NRG1: variants seen among roughly 807,000 people sequenced by gnomAD.
The protein encoded by NRG1 is pro-neuregulin-1, membrane-bound isoform.
Under a neutral mutation model 63.8 loss-of-function variants are expected in NRG1, and 18 were observed. That is an observed-to-expected ratio of 0.28 (90% confidence interval 0.19 to 0.42). The LOEUF is 0.42. Ranked by LOEUF, NRG1 falls within the 10% of genes least tolerant of loss-of-function variation. The pLI is 1.00. For synonymous variants in NRG1, 302 were observed against 301.3 expected (o/e 1.00, Z -0.02); for missense variants, 762 against 814.7 (o/e 0.94, Z 0.79).
intron 1 of NRG1, among the ~76,000 whole-genome samples, chr8:32,161,801 G>A (rs762051193): frequency 5.3e-5 from 8 of 152,142 alleles, no homozygotes; most frequent in Admixed American, 1.3e-4. Context: ...TCAAGGTCAC[G>A]CTGACGTTGT....
At chr8:32,487,692 A>G (rs1412273448) in intron 1 of NRG1, among the ~76,000 whole-genome samples, 7 of 152,130 alleles carry the variant, frequency 4.6e-5, no homozygotes, top group Non-Finnish European at 1.0e-4. Flanking sequence ...GTGCCACTGA[A>G]CTCTGAAAAT....
At chr8:32,412,524 T>C (rs1815251350) in intron 1 of NRG1, among the ~76,000 whole-genome samples, 1 of 146,192 alleles carries the variant, frequency 6.8e-6, no homozygotes, top group Non-Finnish European at 1.5e-5. Flanking sequence ...CCCTGACTAA[T>C]ATACAGTTAT....
intron 1 of NRG1, among the ~76,000 whole-genome samples, chr8:31,997,095 T>G (rs1472482164): frequency 1.3e-5 from 2 of 151,904 alleles, no homozygotes; most frequent in East Asian, 3.9e-4. Context: ...TGGTAAATAT[T>G]GATTTAATTT....
chr8:31,695,736 A>ATTT (rs1178108977), intron 1 of NRG1, among the ~76,000 whole-genome samples: 5 of 152,230 alleles, frequency 3.3e-5, no homozygotes, highest in Admixed American at 1.3e-4. Context: ...AAGTTCAACT[A>ATTT]TTTTATCTTC....
chr8:32,307,402 C>T (rs1856309870), intron 1 of NRG1, among the ~76,000 whole-genome samples: 2 of 152,116 alleles, frequency 1.3e-5, no homozygotes, highest in South Asian at 4.1e-4. Flanking sequence ...AAACAAGCAG[C>T]CACACCTCTC....
chr8:31,823,419 C>T (rs991462735), intron 1 of NRG1, among the ~76,000 whole-genome samples: 2 of 152,016 alleles, frequency 1.3e-5, no homozygotes, highest in African/African-American at 4.8e-5. Context: ...ATAGTTCACA[C>T]AATTCAGGCT....
chr8:32,489,410 C>G (rs1367596210), intron 1 of NRG1, among the ~76,000 whole-genome samples: 1 of 152,132 alleles, frequency 6.6e-6, no homozygotes, highest in Non-Finnish European at 1.5e-5. Context: ...AAAAGACTGC[C>G]TTTCCCTGGA....
chr8:31,715,230 A>G (rs1214038092), intron 1 of NRG1, among the ~76,000 whole-genome samples: 3 of 152,200 alleles, frequency 2.0e-5, no homozygotes, highest in Non-Finnish European at 4.4e-5. Flanking sequence ...CCTATAAAAT[A>G]TGTAATATTA....
At chr8:31,864,178 C>A (rs1454347384) in intron 1 of NRG1, among the ~76,000 whole-genome samples, 1 of 152,098 alleles carries the variant, frequency 6.6e-6, no homozygotes, top group Non-Finnish European at 1.5e-5. Context: ...TTTATTAATT[C>A]ATGAATTCAT....
intron 1 of NRG1, among the ~76,000 whole-genome samples, chr8:31,871,845 A>G (rs1829514364): frequency 6.6e-6 from 1 of 152,228 alleles, no homozygotes; most frequent in Admixed American, 6.5e-5. Context: ...TTTATAAAAA[A>G]TTGATTGCTT....
intron 5 of NRG1, among the ~76,000 whole-genome samples, chr8:32,661,711 A>G (rs1000937660): frequency 2.0e-5 from 3 of 149,666 alleles, no homozygotes; most frequent in African/African-American, 4.9e-5. Context: ...CTGTTGTTCT[A>G]TATTCTTTAT....
chr8:32,171,804 C>T (rs940183139), intron 1 of NRG1, among the ~76,000 whole-genome samples: 2 of 152,052 alleles, frequency 1.3e-5, no homozygotes, highest in South Asian at 2.1e-4. Context: ...GGGGGAGGGA[C>T]GCCCGCCATT....
intron 1 of NRG1, among the ~76,000 whole-genome samples, chr8:31,782,717 A>G (rs1819806409): frequency 6.6e-6 from 1 of 152,178 alleles, no homozygotes; most frequent in African/African-American, 2.4e-5. Flanking sequence ...CATGAACCCA[A>G]CGCTGTGCTT....
chr8:32,683,699 G>A (rs1284819215), intron 5 of NRG1, among the ~76,000 whole-genome samples: 9 of 151,960 alleles, frequency 5.9e-5, no homozygotes, highest in Admixed American at 5.9e-4. Flanking sequence ...TAGAAGAAAA[G>A]ATTCCTCTTA....
intron 1 of NRG1, among the ~76,000 whole-genome samples, chr8:32,514,986 G>T (rs1161881730): frequency 1.2e-5 from 1 of 81,760 alleles, no homozygotes; most frequent in Non-Finnish European, 2.3e-5. Context: ...GTATTCCATG[G>T]TGTATACATA....
At chr8:31,983,275 G>A (rs1045307388) in intron 1 of NRG1, among the ~76,000 whole-genome samples, 1 of 152,036 alleles carries the variant, frequency 6.6e-6, no homozygotes, top group Non-Finnish European at 1.5e-5. Flanking sequence ...ATTTTAAGAA[G>A]TGCTTAATTT....
intron 1 of NRG1, among the ~76,000 whole-genome samples, chr8:32,562,025 C>G (rs1289815005): frequency 6.6e-6 from 1 of 151,968 alleles, no homozygotes; most frequent in African/African-American, 2.4e-5. Flanking sequence ...TTTCTGGGAC[C>G]CATTTATGGG....
intron 1 of NRG1, among the ~76,000 whole-genome samples, chr8:31,933,440 C>T (rs1489810176): frequency 6.6e-6 from 1 of 152,060 alleles, no homozygotes; most frequent in East Asian, 1.9e-4. Context: ...GCCACCACAC[C>T]TGTCTAATTT....
At chr8:32,153,592 A>G (rs1340099263) in intron 1 of NRG1, among the ~76,000 whole-genome samples, 1 of 152,192 alleles carries the variant, frequency 6.6e-6, no homozygotes, top group African/African-American at 2.4e-5. Context: ...TGGCCATATC[A>G]CTGTGAATGC....
Sources: gnomAD v4.1 joint callset for allele counts (sites outside exome capture counted in the v4.1 genomes callset) on GRCh38, gnomAD v4.1.1 for gene constraint, MANE v1.5 for transcripts, NCBI Gene and HGNC (gene_info 2026-07-23, HGNC 2026-07-21) for gene names.